Variants in PRKN observed in about 807,000 individuals in gnomAD.
The protein encoded by PRKN is parkin RBR E3 ubiquitin protein ligase.
In PRKN, 56 loss-of-function variants were observed where a neutral mutation model predicts 59.5. The ratio of observed to expected loss-of-function variants is 0.94; its 90% CI spans 0.76 to 1.18. PRKN has a LOEUF of 1.18. PRKN is among the 50% of genes most tolerant of loss of function. The pLI is 0.00. For missense variants in PRKN, 657 were observed against 596.4 expected (o/e 1.10, Z -1.06); for synonymous variants, 250 against 222.1 (o/e 1.13, Z -1.12).
chr6:162,030,174 C>G lies in PRKN; in HGVS notation c.618+23917G>C, dbSNP rs749491708. Among the ~76,000 whole-genome samples, 19 of 152,192 alleles carry G rather than the reference C, an allele frequency of 1.2e-4. No individual in the cohort carries two copies. In the East Asian group the frequency reaches 3.5e-3, roughly 28 times the overall value. On this transcript the variant is annotated intron_variant, in intron 5 of 11. Transcript: ENST00000366898. ...TTCTGTTCCATGTTTTTCTCAGAAC[C>G]CCCCAAATTTCCCAGACAGCTGGCT... is the stretch of plus-strand genomic sequence containing the variant.
At chr6:162,092,735 C>T (rs567382196) in intron 4 of PRKN, among the ~76,000 whole-genome samples, 2 of 152,182 alleles carry the variant, frequency 1.3e-5, no homozygotes, top group Admixed American at 1.3e-4. Context: ...AAGTTCTATA[C>T]AAAGCTACCT....
chr6:162,039,360 AT>A (rs1354559949), intron 5 of PRKN, among the ~76,000 whole-genome samples: 1 of 151,978 alleles, frequency 6.6e-6, no homozygotes, highest in Non-Finnish European at 1.5e-5. Flanking sequence ...TTAGATCCCC[AT>A]TGTTGGAGGT....
rs1037133573 is a variant in PRKN at position 161,372,066 on chromosome 6, G to T, written c.1168-11861C>A. Among the ~76,000 whole-genome samples, 6 of 152,236 alleles carry T rather than the reference G, an allele frequency of 3.9e-5. No individual in the cohort carries two copies. The highest frequency in any genetic ancestry group is 1.2e-4 in the African/African-American group (5 of 41,454). ...GGGGCCCTAAATGCTTCCTAAAGGGGAAGTGAATTAAAATAATATCTATCA... is the reference window on the plus strand; with the variant it reads ...GGGGCCCTAAATGCTTCCTAAAGGGTAAGTGAATTAAAATAATATCTATCA... On this transcript the variant is annotated intron_variant, in intron 10 of 11. Coordinates refer to ENST00000366898, the MANE Select transcript of PRKN (RefSeq NM_004562.3). This position sits in a 1 kb window ranked among gnomAD's most constrained non-coding sequence, Gnocchi z 4.2.
At chr6:161,514,234 A>T (rs866859833) in intron 9 of PRKN, among the ~76,000 whole-genome samples, 1 of 152,192 alleles carries the variant, frequency 6.6e-6, no homozygotes, top group Middle Eastern at 3.4e-3. Context: ...CTTTCTCAAG[A>T]TTTCTGCAAA....
At chr6:162,507,135 C>T (rs993356795) in intron 1 of PRKN, among the ~76,000 whole-genome samples, 4 of 152,140 alleles carry the variant, frequency 2.6e-5, no homozygotes, top group African/African-American at 4.8e-5. Context: ...CCAAAATATA[C>T]TGAATTTCCA....
chr6:162,373,140 T>C (rs1330858330), intron 2 of PRKN, among the ~76,000 whole-genome samples: 1 of 139,960 alleles, frequency 7.1e-6, no homozygotes, highest in African/African-American at 2.7e-5. Context: ...GAACAGAATA[T>C]TTGGAAAAAA....
chr6:161,394,029 C>A (rs1299486609), intron 9 of PRKN, among the ~76,000 whole-genome samples: 2 of 152,136 alleles, frequency 1.3e-5, no homozygotes, highest in East Asian at 3.8e-4. Flanking sequence ...AGTCCAGCCT[C>A]TGTAAAGGGA....
chr6:162,557,009 T>G (rs1289105112), intron 1 of PRKN, among the ~76,000 whole-genome samples: 2 of 152,138 alleles, frequency 1.3e-5, no homozygotes, highest in Non-Finnish European at 2.9e-5. Flanking sequence ...ATCTTTTATA[T>G]CCAAGCAATA....
At position 162,461,741 on chromosome 6, in the gene PRKN, G is replaced by A. The variant is rs144115887; in HGVS notation, c.8-18268C>T. Among the ~76,000 whole-genome samples the A allele has an allele frequency of 6.2e-3, 933 of 150,116 alleles. 9 individuals carry two copies. The highest frequency in any genetic ancestry group is 0.018 in the South Asian group (86 of 4,718). ...GGCGGGGGGCTGAGGCAGGAGAATC[G>A]CTTGAACTTGGGAGGTGGAGGTTGC... On this transcript the variant is annotated intron_variant, in intron 1 of 11. Transcript: ENST00000366898.
At chr6:161,906,852 GA>G (rs1778169538) in intron 6 of PRKN, among the ~76,000 whole-genome samples, 2 of 151,858 alleles carry the variant, frequency 1.3e-5, no homozygotes, top group African/African-American at 2.4e-5. Context: ...TTCGATGCCA[GA>G]AAGTTTCCAG....
rs1554244227 is a variant in PRKN at position 161,897,984 on chromosome 6, A to AAAAAAAAAAAAAAAAAAT, written c.734+75317_734+75318insATTTTTTTTTTTTTTTTT. ...TCCGTCTCAAAAAAAAAAAAAAAAAAGTCTCCCAGTTGCATAGAAAAGGTT... is the reference window on the plus strand; with the variant it reads ...TCCGTCTCAAAAAAAAAAAAAAAAAAAAAAAAAAAAAAAAAAATGTCTCCCAGTTGCATAGAAAAGGTT... On this transcript the variant is annotated intron_variant, in intron 6 of 11. Coordinates refer to ENST00000366898, the MANE Select transcript of PRKN (RefSeq NM_004562.3). Among the ~76,000 whole-genome samples, 52 of 117,662 alleles carry AAAAAAAAAAAAAAAAAAT rather than the reference A, an allele frequency of 4.4e-4. 3 individuals carry two copies. The South Asian group carries it at 4.7e-3, about 11-fold the overall frequency. 77.2% of individuals were successfully genotyped at this position (117,662 alleles called of 152,430 possible). A position where few individuals can be genotyped will look rare whatever the true frequency, so the allele number is the denominator to read the frequency against.
intron 9 of PRKN, among the ~76,000 whole-genome samples, chr6:161,517,829 C>G (rs1037817325): frequency 6.8e-6 from 1 of 147,430 alleles, no homozygotes; most frequent in Admixed American, 6.8e-5. Context: ...TACACTGTAG[C>G]AAAGTCAATT....
intron 6 of PRKN, among the ~76,000 whole-genome samples, chr6:161,902,580 G>A (rs1236644708): frequency 1.7e-4 from 6 of 35,646 alleles, no homozygotes; most frequent in Admixed American, 8.8e-4. Flanking sequence ...TTTTTTTTGC[G>A]ACAGAGTCTT....
chr6:161,930,027 G>C (rs1310616778), intron 6 of PRKN, among the ~76,000 whole-genome samples: 1 of 152,136 alleles, frequency 6.6e-6, no homozygotes, highest in Non-Finnish European at 1.5e-5. Context: ...TTACCTGTTG[G>C]CAATGCCACT....
intron 2 of PRKN, among the ~76,000 whole-genome samples, chr6:162,276,784 T>C (rs1230727593): frequency 6.6e-6 from 1 of 152,020 alleles, no homozygotes; most frequent in Non-Finnish European, 1.5e-5. Context: ...TTTCGCTTAA[T>C]TTCCCCTACA....
At chr6:161,569,643 G>A (rs951363059) in intron 7 of PRKN, among the ~76,000 whole-genome samples, 1 of 152,204 alleles carries the variant, frequency 6.6e-6, no homozygotes, top group African/African-American at 2.4e-5. Flanking sequence ...AGTTGCATGT[G>A]ACCCTGGCCA....
chr6:162,179,312 A>G (rs926453019), intron 4 of PRKN, among the ~76,000 whole-genome samples: 6 of 152,238 alleles, frequency 3.9e-5, no homozygotes, highest in African/African-American at 1.4e-4. Context: ...TTCATCTTTG[A>G]TCATCAGCCC....
At chr6:162,355,658 G>T (rs1784824939) in intron 2 of PRKN, among the ~76,000 whole-genome samples, 1 of 151,606 alleles carries the variant, frequency 6.6e-6, no homozygotes, top group Admixed American at 6.6e-5. Flanking sequence ...AAGTGGGTTG[G>T]AGATGAAAAA....
rs1786993263 is a variant in PRKN, at chr6:161,400,705, A to G, written c.1084-13828T>C. ...TTTATTTTCAGCCTTTGGACGACCC[A>G]TATGAGTTTCACTTCACACTGTGTT... On this transcript the variant is annotated intron_variant, in intron 9 of 11. Transcript: ENST00000366898. The surrounding 1 kb of genome is among the most constrained non-coding windows in gnomAD (Gnocchi z 4.2). Among the ~76,000 whole-genome samples the G allele has an allele frequency of 6.6e-6, 1 of 152,072 alleles. No individual in the cohort carries two copies. Among genetic ancestry groups the G allele is most frequent in the African/African-American group, 2.4e-5 (1 of 41,408 alleles).
Sources: allele counts gnomAD v4.1 joint callset (sites outside exome capture counted in the v4.1 genomes callset), GRCh38; gene constraint gnomAD v4.1.1; non-coding constraint Gnocchi (gnomAD v3.1); transcripts MANE v1.5; gene names NCBI Gene and HGNC (gene_info 2026-07-23, HGNC 2026-07-21).